NIPBL: variants seen among roughly 807,000 people sequenced by gnomAD.
NIPBL encodes the protein NIPBL cohesin loading factor.
In NIPBL, 19 loss-of-function variants were observed where a neutral mutation model predicts 321.8. That is an observed-to-expected ratio of 0.06 (90% CI 0.04 to 0.09). The LOEUF (loss-of-function observed/expected upper bound fraction) is 0.09. NIPBL is among the 10% of genes least tolerant of loss of function. The pLI is 1.00. For synonymous variants in NIPBL, 1,106 were observed against 1,114.1 expected, an observed-to-expected ratio of 0.99 and a Z score of 0.14; for missense variants, 2,210 against 3,327.0, an observed-to-expected ratio of 0.66 and a Z score of 8.26.
At chr5:36,951,978 A>G (rs1740343697) in intron 1 of NIPBL, among the ~76,000 whole-genome samples, 1 of 145,148 alleles carries the variant, frequency 6.9e-6, no homozygotes, top group Non-Finnish European at 1.5e-5. Flanking sequence ...AGCCTTTTGG[A>G]TGATGATTCT....
At chr5:37,008,978 A>G (rs573370189) in intron 20 of NIPBL, among the ~76,000 whole-genome samples, 5 of 152,214 alleles carry the variant, frequency 3.3e-5, no homozygotes, top group African/African-American at 1.2e-4. Context: ...TTTAGGCCAT[A>G]TAACACTTTG....
At chr5:36,914,049 A>C (rs939641927) in intron 1 of NIPBL, among the ~76,000 whole-genome samples, 1 of 152,236 alleles carries the variant, frequency 6.6e-6, no homozygotes, top group Admixed American at 6.5e-5. Context: ...CTGACAGTGT[A>C]TATCTGTACA....
intron 3 of NIPBL, among the ~76,000 whole-genome samples, chr5:36,957,780 A>C (rs978733478): frequency 1.3e-5 from 2 of 151,802 alleles, no homozygotes; most frequent in African/African-American, 4.8e-5. Flanking sequence ...GTCAGGAGTT[A>C]GAGACCAGCC....
intron 10 of NIPBL, among the ~76,000 whole-genome samples, chr5:36,988,958 C>G (rs1157416641): frequency 6.6e-6 from 1 of 152,084 alleles, no homozygotes; most frequent in Admixed American, 6.5e-5. Context: ...GGCATTGTTA[C>G]ATTTGATTTG....
At position 37,052,375 on chromosome 5, in the gene NIPBL, G is replaced by C; in HGVS notation, c.7072G>C (p.Val2358Leu). Residue 2358 changes from valine (V) to leucine (L), a missense_variant, in exon 42 of 47, where the codon GTG becomes CTG. Transcript: ENST00000282516. The part of the protein sequence containing the change: ...KYAGFIHMKA[V>L]AGMKMSYQVQ... ...CTTTTATTGATTTCAGATGAAAGCAGTGGCTGGTATGAAGATGTCTTACCA... is the reference window on the plus strand; with the variant it reads ...CTTTTATTGATTTCAGATGAAAGCACTGGCTGGTATGAAGATGTCTTACCA... 1 of 1,613,812 alleles carries C rather than the reference G, an allele frequency of 6.2e-7. No homozygotes were observed. The highest frequency in any genetic ancestry group is 1.7e-5 in the Admixed American group (1 of 60,022).
At chr5:36,925,908 A>G (rs1022063950) in intron 1 of NIPBL, among the ~76,000 whole-genome samples, 1 of 152,132 alleles carries the variant, frequency 6.6e-6, no homozygotes, top group Non-Finnish European at 1.5e-5. Context: ...CCAAACTTCT[A>G]AGTCATGGAT....
At chr5:36,947,203 C>T (rs1289009482) in intron 1 of NIPBL, among the ~76,000 whole-genome samples, 1 of 152,008 alleles carries the variant, frequency 6.6e-6, no homozygotes, top group Admixed American at 6.6e-5. Flanking sequence ...GTTATCAACC[C>T]TCAATAAGTG....
At chr5:37,061,547 T>A (rs1229316697) in intron 45 of NIPBL, among the ~76,000 whole-genome samples, 2 of 152,026 alleles carry the variant, frequency 1.3e-5, no homozygotes. Flanking sequence ...GGGGCAGTGG[T>A]GTGCACCTGT....
intron 32 of NIPBL, among the ~76,000 whole-genome samples, chr5:37,032,767 T>G (rs1390581860): frequency 6.6e-6 from 1 of 152,146 alleles, no homozygotes; most frequent in African/African-American, 2.4e-5. Flanking sequence ...AGAGTGAGAC[T>G]CTATCTCACT....
chr5:37,047,310 A>T (rs961824603), intron 38 of NIPBL, among the ~76,000 whole-genome samples: 4 of 152,216 alleles, frequency 2.6e-5, no homozygotes, highest in Admixed American at 2.0e-4. Flanking sequence ...TAAGGTTTAT[A>T]CTTTAATCTG....
At chr5:37,035,229 C>T (rs1751552701) in intron 32 of NIPBL, among the ~76,000 whole-genome samples, 2 of 152,218 alleles carry the variant, frequency 1.3e-5, no homozygotes, top group South Asian at 4.1e-4. Flanking sequence ...TTTGATTGTG[C>T]CACTGCACTC....
chr5:36,913,019 TA>T (rs1748168652), intron 1 of NIPBL, among the ~76,000 whole-genome samples: 1 of 152,154 alleles, frequency 6.6e-6, no homozygotes, highest in South Asian at 2.1e-4. Flanking sequence ...CTTGAAATAT[TA>T]AAAATATAGG....
At chr5:36,952,087 G>C (rs76912237) in intron 1 of NIPBL, among the ~76,000 whole-genome samples, 3,231 of 138,546 alleles carry the variant, frequency 0.023, 123 homozygotes, top group African/African-American at 0.082. Flanking sequence ...TGTGTGTGTA[G>C]CAGTTTAATG....
intron 17 of NIPBL, 85 bp from the exon 18 acceptor site, chr5:37,007,238 T>G (rs1747544501): frequency 8.2e-7 from 1 of 1,214,142 alleles, no homozygotes; most frequent in Non-Finnish European, 1.2e-6. Context: ...TTGTGTTCTC[T>G]TAATTCAAAA....
chr5:36,992,440 A>G (rs998507368), intron 10 of NIPBL, among the ~76,000 whole-genome samples: 4 of 152,214 alleles, frequency 2.6e-5, no homozygotes, highest in Admixed American at 6.5e-5. Flanking sequence ...AACATAACCA[A>G]TTATGTCATA....
In NIPBL at chr5:37,006,599, A is replaced by G; in HGVS notation, c.4087+11A>G. 1 of 1,544,952 alleles carries G rather than the reference A, an allele frequency of 6.5e-7. No individual in the cohort carries two copies. The highest frequency in any genetic ancestry group is 8.9e-7 in the Non-Finnish European group (1 of 1,122,868). ...TAGATCCTCATGGAGGTTAGTTCGT[A>G]TAATATCAAAATTATTGTAAATTTT... is the stretch of plus-strand genomic sequence containing the variant. On this transcript the variant is annotated intron_variant, in intron 17 of 46. Transcript: ENST00000282516.
intron 1 of NIPBL, among the ~76,000 whole-genome samples, chr5:36,918,930 T>G (rs577971766): frequency 1.3e-5 from 2 of 152,316 alleles, no homozygotes; most frequent in East Asian, 3.9e-4. Flanking sequence ...GCTTTGCCAA[T>G]ATTTTATTGA....
chr5:36,903,209 A>G (rs1747369541), intron 1 of NIPBL, among the ~76,000 whole-genome samples: 2 of 152,122 alleles, frequency 1.3e-5, no homozygotes, highest in Admixed American at 1.3e-4. Context: ...ATTATCATCT[A>G]TGAGGAAAGA....
intron 9 of NIPBL, 142 bp downstream of exon 9, chr5:36,976,544 C>T (rs1743477523): frequency 2.6e-6 from 2 of 754,724 alleles, no homozygotes; most frequent in South Asian, 3.6e-5. Context: ...TACTAATACT[C>T]ATAATGCAGA....
Sources: allele counts gnomAD v4.1 joint callset (sites outside exome capture counted in the v4.1 genomes callset), GRCh38; gene constraint gnomAD v4.1.1; transcripts MANE v1.5; gene names NCBI Gene and HGNC (gene_info 2026-07-23, HGNC 2026-07-21).